CASZ1: variants seen among roughly 807,000 people sequenced by gnomAD.
CASZ1 encodes zinc finger protein castor homolog 1.
Under a neutral mutation model 135.2 loss-of-function variants are expected in CASZ1, and 28 were observed. That is an observed-to-expected ratio of 0.21 (90% CI 0.15 to 0.28). The LOEUF (loss-of-function observed/expected upper bound fraction) is 0.28. Ranked by LOEUF, CASZ1 falls within the 10% of genes least tolerant of loss-of-function variation. The probability of loss-of-function intolerance (pLI) is 1.00; values close to 1 mark genes in which losing one functional copy is unlikely to be tolerated. For synonymous variants in CASZ1, 1,068 were observed against 1,073.4 expected (o/e 0.99, Z 0.10); for missense variants, 2,161 against 2,453.3 (o/e 0.88, Z 2.52).
intron 3 of CASZ1, among the ~76,000 whole-genome samples, chr1:10,695,821 G>A (rs1162526913): frequency 1.3e-5 from 2 of 152,276 alleles, no homozygotes; most frequent in Non-Finnish European, 2.9e-5. Flanking sequence ...CTTAAGTGAC[G>A]CATCCGGCCC....
Position 10,709,351 on chromosome 1 carries a change from ACAGGGGCTGGGGC to A in CASZ1, c.-76-3820_-76-3808del, listed in dbSNP as rs1252923245. 2.0e-5 allele frequency among the ~76,000 whole-genome samples: 3 copies of A among 151,912 alleles called. No individual in the cohort carries two copies. The highest frequency in any genetic ancestry group is 4.4e-5 in the Non-Finnish European group (3 of 67,952). On this transcript the variant is annotated intron_variant, in intron 2 of 20. Coordinates refer to ENST00000377022, the MANE Select transcript of CASZ1 (RefSeq NM_001079843.3). This position sits in a 1 kb window ranked among gnomAD's most constrained non-coding sequence, Gnocchi z 5.1. ...CAGCCTCTCCCTGGCCAGCCCTTTC[ACAGGGGCTGGGGC>A]CATGTCAGCCCGGCAGTGTGAGGAG...
chr1:10,678,685 G>A (rs952951997), intron 4 of CASZ1, among the ~76,000 whole-genome samples: 4 of 152,150 alleles, frequency 2.6e-5, no homozygotes, highest in African/African-American at 9.7e-5. Context: ...CACAGCAGCC[G>A]CTGTAAGGAG....
chr1:10,715,952 ACCCCACAGCACCCAATCCGCT>A (rs1557528039), intron 2 of CASZ1, among the ~76,000 whole-genome samples: 68 of 92,182 alleles, frequency 7.4e-4, no homozygotes, highest in Non-Finnish European at 1.2e-3. Flanking sequence ...CCCAATCCAC[ACCCCACAGCACCCAATCCGCT>A]CCCCACAGCA....
chr1:10,670,814 C>G (rs1014600270), intron 4 of CASZ1, among the ~76,000 whole-genome samples: 2 of 152,216 alleles, frequency 1.3e-5, no homozygotes, highest in African/African-American at 4.8e-5. Flanking sequence ...GGTTCCTTCC[C>G]CATCCTTCAG....
intron 4 of CASZ1, among the ~76,000 whole-genome samples, chr1:10,678,919 C>T (rs1357696338): frequency 6.6e-6 from 1 of 152,256 alleles, no homozygotes; most frequent in Admixed American, 6.5e-5. Flanking sequence ...AGCCTAAATT[C>T]TTCATTTCCA....
At chr1:10,795,157 G>A (rs1292262771) in intron 1 of CASZ1, among the ~76,000 whole-genome samples, 1 of 149,274 alleles carries the variant, frequency 6.7e-6, no homozygotes, top group Non-Finnish European at 1.5e-5. Context: ...CGCACGAATC[G>A]GCCCCCTGCC....
chr1:10,683,531 T>G (rs550755683), intron 4 of CASZ1, among the ~76,000 whole-genome samples: 2 of 152,272 alleles, frequency 1.3e-5, no homozygotes, highest in East Asian at 3.9e-4. Flanking sequence ...GGTCCCCATC[T>G]TCCCTTCCAG....
chr1:10,728,977 C>CCA (rs1639647621), intron 2 of CASZ1, among the ~76,000 whole-genome samples: 1 of 152,288 alleles, frequency 6.6e-6, no homozygotes, highest in African/African-American at 2.4e-5. Context: ...CTTCCCCCCC[C>CCA]ACTCTCCGGA....
intron 4 of CASZ1, among the ~76,000 whole-genome samples, chr1:10,678,567 G>A (rs562107378): frequency 1.6e-4 from 24 of 152,266 alleles, no homozygotes; most frequent in South Asian, 6.2e-4. Flanking sequence ...ACCCGTTCAC[G>A]CACACTCGCT....
Position 10,694,661 on chromosome 1 carries a change from T to G in CASZ1, c.-23-749A>C, listed in dbSNP as rs1365475248. Among the ~76,000 whole-genome samples, 1 of 137,644 alleles carries G rather than the reference T, an allele frequency of 7.3e-6. No individual in the cohort carries two copies. The highest frequency in any genetic ancestry group is 1.6e-5 in the Non-Finnish European group (1 of 62,708). The allele number at this position is 137,644 out of a possible 152,430, so 90.3% of individuals were successfully genotyped here. On this transcript the variant is annotated intron_variant, in intron 3 of 20. Coordinates refer to ENST00000377022, the MANE Select transcript of CASZ1 (RefSeq NM_001079843.3). The surrounding 1 kb of genome is among the most constrained non-coding windows in gnomAD (Gnocchi z 6.6). Reference sequence around the variant, plus strand: ...CGCCGCCCGCCGCCCGGTGCCGGAGTGAATGGGCTCGCGCTCGCTCGCGCC... The same window carrying G: ...CGCCGCCCGCCGCCCGGTGCCGGAGGGAATGGGCTCGCGCTCGCTCGCGCC...
In CASZ1 at chr1:10,709,886, G is replaced by C. The variant is rs547910552; in HGVS notation, c.-76-4342C>G. 1.3e-4 allele frequency among the ~76,000 whole-genome samples: 20 copies of C among 152,286 alleles called. No homozygotes were observed. The highest frequency in any genetic ancestry group is 4.3e-4 in the African/African-American group (18 of 41,554). On this transcript the variant is annotated intron_variant, in intron 2 of 20. Transcript: ENST00000377022. This position sits in a 1 kb window ranked among gnomAD's most constrained non-coding sequence, Gnocchi z 5.1. ...CGCACAGGCCAGCAGGTGCCCGATC[G>C]AGACAGAGGCCTCGGGAAAGGAGCC...
At chr1:10,660,591 G>A in intron 5 of CASZ1, 55 bp from the exon 6 acceptor site, 4 of 1,515,724 alleles carry the variant, frequency 2.6e-6, no homozygotes, top group Non-Finnish European at 3.6e-6. Flanking sequence ...AGGGACAGGA[G>A]GTCCCCCCAC....
intron 2 of CASZ1, among the ~76,000 whole-genome samples, chr1:10,758,328 C>T (rs1467166414): frequency 7.4e-6 from 1 of 134,362 alleles, no homozygotes; most frequent in African/African-American, 2.9e-5. Context: ...CTCTCTCTCT[C>T]TTTTTTTTTT....
chr1:10,640,053 G>C lies in CASZ1; in HGVS notation c.4169C>G (p.Thr1390Ser), dbSNP rs1377957148. ...CCCCGAGGCTGTCGGCATAGAGATG[G>C]TGTTCCCTGGGGAGGGGCAGGGAGG... ...VGNESTAAGN[T>S]ISMPTASGAK... Residue 1390 changes from threonine to serine, a missense_variant, in exon 21 of 21, where the codon ACC becomes AGC. Physicochemically the swap from Thr to Ser is moderately conservative, Grantham distance 58 (BLOSUM62 1). Coordinates refer to ENST00000377022, the MANE Select transcript of CASZ1 (RefSeq NM_001079843.3). 6.2e-7 allele frequency: 1 copy of C among 1,605,484 alleles called. No homozygotes were observed. The highest frequency in any genetic ancestry group is 1.7e-5 in the Admixed American group (1 of 59,984).
chr1:10,653,180 G>A (rs1162532014), intron 11 of CASZ1, 197 bp downstream of exon 11: 3 of 649,834 alleles, frequency 4.6e-6, no homozygotes, highest in East Asian at 2.8e-5. Context: ...CCCCTACTGT[G>A]GGGAGCCAGA....
intron 2 of CASZ1, among the ~76,000 whole-genome samples, chr1:10,730,460 C>T (rs1039935166): frequency 1.3e-5 from 2 of 152,184 alleles, no homozygotes; most frequent in Non-Finnish European, 2.9e-5. Flanking sequence ...CTAGGGCCTT[C>T]GAGTCCAATG....
rs1640634850 is a variant in CASZ1, at chr1:10,774,822, C to A, written c.-233-13965G>T. Among the ~76,000 whole-genome samples, 1 of 152,196 alleles carries A rather than the reference C, an allele frequency of 6.6e-6. No individual in the cohort carries two copies. Among genetic ancestry groups the A allele is most frequent in the Non-Finnish European group, 1.5e-5 (1 of 68,038 alleles). ...GCAACCCACAAGCACAGTCCTGACA[C>A]TCAGAGCTCCCGCGGTCTTACAGAC... On this transcript the variant is annotated intron_variant, in intron 1 of 20. Transcript: ENST00000377022. This position sits in a 1 kb window ranked among gnomAD's most constrained non-coding sequence, Gnocchi z 4.4.
At chr1:10,722,175 GCCATGAGGGCTCCTCAGAGGA>G (rs753087661) in intron 2 of CASZ1, among the ~76,000 whole-genome samples, 22 of 152,344 alleles carry the variant, frequency 1.4e-4, no homozygotes, top group East Asian at 5.8e-4. Flanking sequence ...GGCTCAGGAG[GCCATGAGGGCTCCTCAGAGGA>G]CCATGAGGCT....
chr1:10,661,809 A>G (rs1643038050), intron 5 of CASZ1, among the ~76,000 whole-genome samples: 1 of 150,622 alleles, frequency 6.6e-6, no homozygotes, highest in South Asian at 2.1e-4. Flanking sequence ...TCACACACAC[A>G]CCCACAGTCA....
Sources: allele counts gnomAD v4.1 joint callset (sites outside exome capture counted in the v4.1 genomes callset), GRCh38; gene constraint gnomAD v4.1.1; non-coding constraint Gnocchi (gnomAD v3.1); transcripts MANE v1.5; gene names NCBI Gene and HGNC (gene_info 2026-07-23, HGNC 2026-07-21).